Variants in SPATA16 observed in about 807,000 individuals in gnomAD.
The protein encoded by SPATA16 is spermatogenesis associated 16, also known as spermatogenesis-associated protein 16.
A neutral mutation model predicts 63.3 loss-of-function variants in SPATA16; 36 were observed. That is an observed-to-expected ratio of 0.57 (90% CI 0.44 to 0.75). The LOEUF is 0.75. SPATA16 is among the 30% of genes least tolerant of loss of function. The pLI, the probability that SPATA16 is intolerant of heterozygous loss-of-function variation, is 0.00. For synonymous variants in SPATA16, 203 were observed against 216.7 expected (o/e 0.94, Z 0.56); for missense variants, 646 against 679.3 (o/e 0.95, Z 0.54).
At chr3:172,902,250 C>T (rs1407622256) in intron 10 of SPATA16, among the ~76,000 whole-genome samples, 2 of 152,010 alleles carry the variant, frequency 1.3e-5, no homozygotes, top group African/African-American at 2.4e-5. Context: ...CTATGTTGGC[C>T]GGGCTGGCCT....
intron 4 of SPATA16, among the ~76,000 whole-genome samples, chr3:173,003,634 T>C (rs1030053687): frequency 1.3e-4 from 20 of 152,332 alleles, no homozygotes; most frequent in African/African-American, 4.3e-4. Context: ...CAAAGGGTCA[T>C]TGATGATGGC....
intron 5 of SPATA16, among the ~76,000 whole-genome samples, chr3:172,960,476 A>T (rs143024361): frequency 1.9e-3 from 297 of 152,364 alleles, no homozygotes; most frequent in Non-Finnish European, 3.6e-3. Context: ...ATCAAGTTGT[A>T]AAGCTCATAA....
intron 1 of SPATA16, among the ~76,000 whole-genome samples, chr3:173,126,401 T>C (rs568452483): frequency 6.6e-6 from 1 of 152,338 alleles, no homozygotes; most frequent in Non-Finnish European, 1.5e-5. Flanking sequence ...CTACATTTCC[T>C]CTTAAAACAT....
At chr3:172,948,648 G>A (rs59173165) in intron 6 of SPATA16, among the ~76,000 whole-genome samples, 5,004 of 149,436 alleles carry the variant, frequency 0.033, 266 homozygotes, top group African/African-American at 0.12. Context: ...TAATTTTTTT[G>A]TAGTGATGGG....
chr3:173,102,898 T>C (rs1245186711), intron 2 of SPATA16, among the ~76,000 whole-genome samples: 2 of 152,112 alleles, frequency 1.3e-5, no homozygotes, highest in African/African-American at 2.4e-5. Flanking sequence ...GCCTGTAAAA[T>C]ATAAACAAGT....
intron 2 of SPATA16, among the ~76,000 whole-genome samples, chr3:173,060,457 T>G (rs969184886): frequency 6.6e-6 from 1 of 152,176 alleles, no homozygotes; most frequent in African/African-American, 2.4e-5. Context: ...GAATTTTAAA[T>G]TAGATGCAAT....
At chr3:172,979,212 G>C (rs977348775) in intron 4 of SPATA16, among the ~76,000 whole-genome samples, 5 of 151,898 alleles carry the variant, frequency 3.3e-5, no homozygotes, top group African/African-American at 1.2e-4. Flanking sequence ...ACTCCAGCCT[G>C]GGCAACAGAG....
At chr3:173,057,951 G>A (rs1342159083) in intron 2 of SPATA16, among the ~76,000 whole-genome samples, 1 of 152,104 alleles carries the variant, frequency 6.6e-6, no homozygotes, top group East Asian at 1.9e-4. Flanking sequence ...AGTTCTTCAT[G>A]ACAGATAGAG....
intron 2 of SPATA16, among the ~76,000 whole-genome samples, chr3:173,116,854 C>T (rs1440847237): frequency 2.0e-5 from 3 of 152,110 alleles, no homozygotes; most frequent in Non-Finnish European, 2.9e-5. Context: ...AAAAATATAT[C>T]ACCATTCACT....
chr3:173,041,741 G>A (rs1178771551), intron 3 of SPATA16, among the ~76,000 whole-genome samples: 1 of 151,528 alleles, frequency 6.6e-6, no homozygotes, highest in Non-Finnish European at 1.5e-5. Context: ...ACATTTAGTG[G>A]CCAAATTTTA....
chr3:172,921,822 A>G (rs1169859608), intron 8 of SPATA16, among the ~76,000 whole-genome samples: 1 of 152,212 alleles, frequency 6.6e-6, no homozygotes, highest in Non-Finnish European at 1.5e-5. Context: ...CCTATTTTAT[A>G]AATGAGAAAA....
At chr3:173,007,340 G>T (rs1266552242) in intron 4 of SPATA16, among the ~76,000 whole-genome samples, 1 of 152,094 alleles carries the variant, frequency 6.6e-6, no homozygotes, top group East Asian at 1.9e-4. Context: ...AAGAAGGACA[G>T]GTGCGGAGGA....
At chr3:172,981,246 C>T (rs1373554729) in intron 4 of SPATA16, among the ~76,000 whole-genome samples, 2 of 152,140 alleles carry the variant, frequency 1.3e-5, no homozygotes, top group Admixed American at 6.5e-5. Context: ...CTGCAACGGC[C>T]TCCAAACTGG....
chr3:172,976,029 G>A (rs1006362224), intron 5 of SPATA16, among the ~76,000 whole-genome samples: 3 of 152,020 alleles, frequency 2.0e-5, no homozygotes, highest in Admixed American at 2.0e-4. Context: ...GGTTCAAAAG[G>A]TTCGTATTCA....
chr3:172,909,686 G>C (rs953944635), intron 10 of SPATA16, among the ~76,000 whole-genome samples: 1 of 152,202 alleles, frequency 6.6e-6, no homozygotes, highest in African/African-American at 2.4e-5. Flanking sequence ...TAAACTGCAT[G>C]AGATGCATTG....
intron 2 of SPATA16, among the ~76,000 whole-genome samples, chr3:173,094,358 T>C (rs1052119212): frequency 6.6e-6 from 1 of 152,166 alleles, no homozygotes; most frequent in Non-Finnish European, 1.5e-5. Flanking sequence ...TGATACTGTT[T>C]ATGTAATGCT....
Position 172,991,906 on chromosome 3 carries a change from G to A in SPATA16, c.849-14854C>T, listed in dbSNP as rs114392801. Among the ~76,000 whole-genome samples, 1,486 of 152,282 alleles carry A rather than the reference G, an allele frequency of 9.8e-3. 25 individuals are homozygous for A. Among genetic ancestry groups the A allele is most frequent in the African/African-American group, 0.033 (1,368 of 41,556 alleles). On this transcript the variant is annotated intron_variant, in intron 4 of 10. Coordinates refer to ENST00000351008, the MANE Select transcript of SPATA16 (RefSeq NM_031955.6). ...GCAAACAGTTTTTTATTTATCAAGT[G>A]TTCACTATATGTGTTTATAGTATTT...
In SPATA16 at chr3:173,033,778, C is replaced by T. The variant is rs553126723; in HGVS notation, c.759-14203G>A. ...GAAGTGCAGTGGCATTATCTTGGCT[C>T]TCTGCAACTTCTGCCTCCCAAGTTC... On this transcript the variant is annotated intron_variant, in intron 3 of 10. Transcript: ENST00000351008. Among the ~76,000 whole-genome samples the T allele has an allele frequency of 1.8e-4, 28 of 152,292 alleles. No homozygotes were observed. The South Asian group carries it at 2.7e-3, about 15-fold the overall frequency.
intron 10 of SPATA16, among the ~76,000 whole-genome samples, chr3:172,911,912 C>A (rs1732378724): frequency 6.6e-6 from 1 of 152,190 alleles, no homozygotes; most frequent in Non-Finnish European, 1.5e-5. Flanking sequence ...ACTGACTTCC[C>A]CACATTTCTG....
Sources: allele counts gnomAD v4.1 joint callset (sites outside exome capture counted in the v4.1 genomes callset), GRCh38; gene constraint gnomAD v4.1.1; transcripts MANE v1.5; gene names NCBI Gene and HGNC (gene_info 2026-07-23, HGNC 2026-07-21).